The following REPS2 variants were observed in gnomAD, a reference collection of about 807,000 sequenced individuals.
The protein encoded by REPS2 is RALBP1 associated Eps domain containing 2, also known as ralBP1-associated Eps domain-containing protein 2.
A neutral mutation model predicts 53.6 loss-of-function variants in REPS2; 23 were observed. The observed-to-expected ratio is 0.43, with a 90% CI of 0.31 to 0.61. The LOEUF (loss-of-function observed/expected upper bound fraction) is 0.61, where lower values mean the gene tolerates loss of function less well. Among genes scored for constraint, REPS2 ranks in the 20% least tolerant of loss-of-function variants. The pLI is 0.11. For synonymous variants in REPS2, 238 were observed against 218.6 expected, an observed-to-expected ratio of 1.09 and a Z score of -0.78; for missense variants, 446 against 534.9, an observed-to-expected ratio of 0.83 and a Z score of 1.64.
At chrX:17,160,359 G>C in the REPS2 span, among the ~76,000 whole-genome samples, 7 of 112,440 alleles carry the variant, frequency 6.2e-5, no homozygotes, top group Admixed American at 6.6e-4. Context: ...TTAAATGTGT[G>C]ACTCACAGAT....
At position 17,006,164 on chromosome X, in the gene REPS2, C is replaced by T. The variant is rs994740765; in HGVS notation, c.274-57C>T. The T allele has an allele frequency of 3.4e-6, 4 of 1,174,255 alleles. No individual in the cohort carries two copies. In the Admixed American group the frequency reaches 9.0e-5, roughly 26 times the overall value. On this transcript the variant is annotated intron_variant, in intron 1 of 17. Coordinates refer to ENST00000357277, the MANE Select transcript of REPS2 (RefSeq NM_004726.3). ...CTTGATATTTCATCATGTACCTTGT[C>T]TCATTTTCCTGTTGTGAAATTGGGT...
At chrX:17,015,959 T>C (rs2061487444) in intron 2 of REPS2, among the ~76,000 whole-genome samples, 2 of 111,963 alleles carry the variant, frequency 1.8e-5, no homozygotes, top group South Asian at 7.5e-4. Context: ...ATGGTATTTC[T>C]AGTTCTAGAT....
the REPS2 span, among the ~76,000 whole-genome samples, chrX:17,185,478 A>G: frequency 9.0e-6 from 1 of 111,680 alleles, no homozygotes; most frequent in African/African-American, 3.3e-5. Flanking sequence ...ACTCCGCGAG[A>G]GCAGAACTTT....
the REPS2 span, among the ~76,000 whole-genome samples, chrX:17,166,761 C>T: frequency 3.6e-5 from 4 of 111,986 alleles, no homozygotes; most frequent in East Asian, 1.1e-3. Context: ...CACAGAGTCC[C>T]TGCTGTGTGC....
intron 13 of REPS2, among the ~76,000 whole-genome samples, chrX:17,078,157 T>C (rs916436004): frequency 9.8e-5 from 11 of 112,466 alleles, no homozygotes; most frequent in African/African-American, 3.6e-4. Context: ...CCAAGTGTTA[T>C]TTTGGGAGCA....
chrX:17,014,955 T>C (rs965179661), intron 2 of REPS2, among the ~76,000 whole-genome samples: 5 of 113,494 alleles, frequency 4.4e-5, no homozygotes, highest in Non-Finnish European at 7.5e-5. Context: ...TGGCTGGGAA[T>C]GTAGGTCCTA....
the REPS2 span, among the ~76,000 whole-genome samples, chrX:17,176,226 C>T: frequency 8.9e-6 from 1 of 111,975 alleles, no homozygotes; most frequent in East Asian, 2.8e-4. Context: ...AAAGGTTTAT[C>T]TCCATGGGGT....
chrX:16,965,117 G>A (rs1187761113), intron 1 of REPS2, among the ~76,000 whole-genome samples: 2 of 88,896 alleles, frequency 2.2e-5, no homozygotes, highest in Admixed American at 1.1e-4. Context: ...CTCCCGGACG[G>A]GGCGGCTGGC....
intron 5 of REPS2, among the ~76,000 whole-genome samples, chrX:17,045,968 G>C (rs1156801339): frequency 2.8e-5 from 3 of 108,831 alleles, no homozygotes; most frequent in Non-Finnish European, 5.7e-5. Context: ...TGTGGGTGTG[G>C]GGAATGGGAG....
intron 8 of REPS2, among the ~76,000 whole-genome samples, chrX:17,061,744 A>G (rs1392949360): frequency 8.9e-6 from 1 of 112,418 alleles, no homozygotes; most frequent in Non-Finnish European, 1.9e-5. Context: ...CTTCTAAGAC[A>G]TAGCCTGGTG....
chrX:16,999,392 T>TG (rs1192016034), intron 1 of REPS2, among the ~76,000 whole-genome samples: 55 of 103,212 alleles, frequency 5.3e-4, no homozygotes, highest in Non-Finnish European at 9.4e-4. Context: ...TTTTTTTTTT[T>TG]GCACAGAGTC....
Position 17,135,255 on chromosome X carries a change from C to T in REPS2, c.1663-6C>T, listed in dbSNP as rs779813104. The T allele has an allele frequency of 4.2e-6, 5 of 1,197,553 alleles. No homozygotes were observed. Among genetic ancestry groups the T allele is most frequent in the East Asian group, 3.0e-5 (1 of 33,681 alleles). ...TTTTAATTTTTATTTTGTTTTAAAT[C>T]CACAGGATGTACTGTATTCTCAGCC... On this transcript the variant is annotated splice_polypyrimidine_tract_variant and splice_region_variant and intron_variant, in intron 15 of 17. Coordinates refer to ENST00000357277, the MANE Select transcript of REPS2 (RefSeq NM_004726.3).
At chrX:16,960,514 T>C (rs2060647472) in intron 1 of REPS2, among the ~76,000 whole-genome samples, 1 of 112,603 alleles carries the variant, frequency 8.9e-6, no homozygotes, top group Non-Finnish European at 1.9e-5. Context: ...ACCATTTATG[T>C]AGAGTCCACA....
chrX:17,061,373 C>T (rs988196980), intron 8 of REPS2, among the ~76,000 whole-genome samples: 3 of 112,027 alleles, frequency 2.7e-5, no homozygotes, highest in Non-Finnish European at 5.6e-5. Context: ...CTCCTGGGCT[C>T]GAGCAATCCT....
chrX:16,947,903 A>G (rs1212576765), intron 1 of REPS2, among the ~76,000 whole-genome samples: 1 of 111,901 alleles, frequency 8.9e-6, no homozygotes, highest in Admixed American at 9.5e-5. Context: ...CTATACTTGG[A>G]AAAGTACTAG....
At chrX:16,967,529 T>G (rs2060785778) in intron 1 of REPS2, among the ~76,000 whole-genome samples, 1 of 110,332 alleles carries the variant, frequency 9.1e-6, no homozygotes, top group African/African-American at 3.3e-5. Flanking sequence ...CCAGGTGTCA[T>G]GGTGCACGCT....
the REPS2 span, among the ~76,000 whole-genome samples, chrX:17,159,440 C>T: frequency 9.0e-6 from 1 of 111,329 alleles, no homozygotes; most frequent in Non-Finnish European, 1.9e-5. Flanking sequence ...CTTGTAACCC[C>T]ACTGTTAGGA....
At chrX:16,949,393 T>C (rs2060479178) in intron 1 of REPS2, among the ~76,000 whole-genome samples, 1 of 112,177 alleles carries the variant, frequency 8.9e-6, no homozygotes, top group Non-Finnish European at 1.9e-5. Context: ...AAATGGTCTA[T>C]AAAAATACTT....
rs1296806098 is a variant in REPS2 at position 17,006,319 on chromosome X, G to A, written c.372G>A (p.Pro124=). 1.7e-6 allele frequency: 2 copies of A among 1,209,696 alleles called. No individual in the cohort carries two copies. The highest frequency in any genetic ancestry group is 3.5e-5 in the South Asian group (2 of 56,910). Residue 124 remains proline, a synonymous_variant, in exon 2 of 18, where the codon CCG becomes CCA. Coordinates refer to ENST00000357277, the MANE Select transcript of REPS2 (RefSeq NM_004726.3). ...KLIAAAQSGL[P]VRIESIKCEL... The stretch of plus-strand genomic sequence containing the variant: ...TTGCTGCAGCACAATCTGGCCTCCC[G>A]GTACGGATAGAGAGTATTAAATGTG...
Sources: allele counts gnomAD v4.1 joint callset (sites outside exome capture counted in the v4.1 genomes callset), GRCh38; gene constraint gnomAD v4.1.1; transcripts MANE v1.5; gene names NCBI Gene and HGNC (gene_info 2026-07-23, HGNC 2026-07-21).